The following TMEM38B variants were observed in gnomAD, a reference collection of about 807,000 sequenced individuals.
The protein encoded by TMEM38B is trimeric intracellular cation channel type B.
A neutral mutation model predicts 28.7 loss-of-function variants in TMEM38B; 24 were observed. The ratio of observed to expected loss-of-function variants is 0.84; its 90% confidence interval spans 0.61 to 1.18. The LOEUF is 1.18. TMEM38B is among the 50% of genes most tolerant of loss of function. The pLI is 0.00. For synonymous variants in TMEM38B, 131 were observed against 127.7 expected (o/e 1.03, Z -0.17); for missense variants, 380 against 350.9 (o/e 1.08, Z -0.66).
rs187786297 is a variant in TMEM38B at position 105,765,212 on chromosome 9, A to C, written c.661-8653A>C. 2.6e-5 allele frequency among the ~76,000 whole-genome samples: 4 copies of C among 152,316 alleles called. No homozygotes were observed. The East Asian group carries it at 7.7e-4, about 29-fold the overall frequency. ...GGATTATTTTGCAAATTGAGATTAA[A>C]ATTATTTGGGGTTTAGTTACAATTT... On this transcript the variant is annotated intron_variant, in intron 5 of 5. Coordinates refer to ENST00000374692, the MANE Select transcript of TMEM38B (RefSeq NM_018112.3).
chr9:105,758,302 TC>T, intron 5 of TMEM38B: 1 of 729,576 alleles, frequency 1.4e-6, no homozygotes, highest in Non-Finnish European at 2.5e-6. Context: ...TAAAGACACA[TC>T]TACAGCAAGT....
At chr9:105,752,572 G>T (rs1021277667) in intron 5 of TMEM38B, among the ~76,000 whole-genome samples, 1 of 152,068 alleles carries the variant, frequency 6.6e-6, no homozygotes. Flanking sequence ...TCAGCAAACC[G>T]CAGCAACCCT....
chr9:105,715,331 TC>T (rs1351762911), intron 2 of TMEM38B, among the ~76,000 whole-genome samples: 3 of 152,160 alleles, frequency 2.0e-5, no homozygotes, highest in Non-Finnish European at 4.4e-5. Context: ...ATCTTTTTTT[TC>T]TAGATCCCTA....
At chr9:105,720,712 A>T (rs1379785750) in intron 2 of TMEM38B, among the ~76,000 whole-genome samples, 1 of 152,134 alleles carries the variant, frequency 6.6e-6, no homozygotes, top group Admixed American at 6.5e-5. Context: ...CTTTCATGCC[A>T]TGTCTTTTAT....
intron 1 of TMEM38B, 55 bp downstream of exon 1, chr9:105,694,827 C>G: frequency 2.6e-6 from 1 of 384,594 alleles, no homozygotes; most frequent in East Asian, 1.3e-4. Context: ...ACGGCGAGGA[C>G]CGTCTAAGTC....
rs79132254 is a variant in TMEM38B, at chr9:105,724,841, T to G, written c.542+2220T>G. ...TTTTTCTCATTTTGAGTATATGCCT[T>G]GAAACACCTTCCATAAAACATTTTT... On this transcript the variant is annotated intron_variant, in intron 4 of 5. Transcript: ENST00000374692. 3.9e-5 allele frequency among the ~76,000 whole-genome samples: 6 copies of G among 152,294 alleles called. No individual in the cohort carries two copies. The East Asian group carries it at 1.2e-3, about 29-fold the overall frequency.
Position 105,776,283 on chromosome 9 carries a change from A to G in TMEM38B, c.*2203A>G, listed in dbSNP as rs1179876247. The G allele has an allele frequency of 6.6e-6, 1 of 152,106 alleles. No homozygotes were observed. Among genetic ancestry groups the G allele is most frequent in the African/African-American group, 2.4e-5 (1 of 41,432 alleles). 9.4% of individuals were successfully genotyped at this position (152,106 alleles called of 1,614,324 possible). On this transcript the variant is annotated 3_prime_UTR_variant, in exon 6 of 6. Coordinates refer to ENST00000374692, the MANE Select transcript of TMEM38B (RefSeq NM_018112.3). ...TCAAGTAAAACATGGCCAAATGAAT[A>G]TCAAACTGGTTTATCAGATTAGTCA...
intron 2 of TMEM38B, among the ~76,000 whole-genome samples, chr9:105,719,882 CCTTT>C (rs1038694973): frequency 5.9e-5 from 9 of 152,018 alleles, no homozygotes; most frequent in African/African-American, 2.2e-4. Context: ...AACAAATCCC[CCTTT>C]CTTAATGTAA....
chr9:105,736,962 A>C (rs1271387206), intron 4 of TMEM38B, among the ~76,000 whole-genome samples: 2 of 152,178 alleles, frequency 1.3e-5, no homozygotes, highest in African/African-American at 4.8e-5. Flanking sequence ...CTCAGTTGCA[A>C]GGACTTTTGG....
intron 4 of TMEM38B, among the ~76,000 whole-genome samples, chr9:105,735,146 A>G (rs1836924279): frequency 6.6e-6 from 1 of 152,202 alleles, no homozygotes; most frequent in African/African-American, 2.4e-5. Flanking sequence ...TCAAGCTGAT[A>G]ACAACTTAAC....
In TMEM38B at chr9:105,774,083, T is replaced by C; in HGVS notation, c.*3T>C. 5.6e-6 allele frequency: 9 copies of C among 1,613,012 alleles called. No individual in the cohort carries two copies. The highest frequency in any genetic ancestry group is 6.8e-6 in the Non-Finnish European group (8 of 1,179,414). On this transcript the variant is annotated 3_prime_UTR_variant, in exon 6 of 6. Transcript: ENST00000374692. Reference sequence around the variant, plus strand: ...AACATACTAAGAAGAATGAATAAATTTACGTGATGAGCTCTACAAGGCCAA... The same window carrying C: ...AACATACTAAGAAGAATGAATAAATCTACGTGATGAGCTCTACAAGGCCAA...
chr9:105,729,068 GA>G (rs1447686637), intron 4 of TMEM38B, among the ~76,000 whole-genome samples: 1 of 152,206 alleles, frequency 6.6e-6, no homozygotes, highest in Non-Finnish European at 1.5e-5. Flanking sequence ...TTGCTGTGCA[GA>G]AGCTCTTTAG....
At chr9:105,773,028 G>C (rs1826607669) in intron 5 of TMEM38B, among the ~76,000 whole-genome samples, 1 of 152,060 alleles carries the variant, frequency 6.6e-6, no homozygotes, top group African/African-American at 2.4e-5. Context: ...TTGAAAATTT[G>C]ATCCCCAGAA....
intron 1 of TMEM38B, among the ~76,000 whole-genome samples, chr9:105,705,031 A>G (rs1173308818): frequency 6.6e-6 from 1 of 151,980 alleles, no homozygotes; most frequent in Non-Finnish European, 1.5e-5. Flanking sequence ...GGTTTCCCCC[A>G]CTCTCAAGTT....
At chr9:105,720,070 A>G (rs1836266165) in intron 2 of TMEM38B, among the ~76,000 whole-genome samples, 1 of 152,132 alleles carries the variant, frequency 6.6e-6, no homozygotes, top group Admixed American at 6.5e-5. Context: ...TAAAAATCTT[A>G]TAGAACATGT....
At chr9:105,746,141 G>T (rs2133614493) in intron 4 of TMEM38B, among the ~76,000 whole-genome samples, 1 of 152,268 alleles carries the variant, frequency 6.6e-6, no homozygotes, top group South Asian at 2.1e-4. Flanking sequence ...GCTTGATGGG[G>T]ATGGCATTGA....
chr9:105,760,137 G>A, intron 5 of TMEM38B: 1 of 881,520 alleles, frequency 1.1e-6, no homozygotes, highest in Non-Finnish European at 1.9e-6. Flanking sequence ...TGTGTCGTTT[G>A]TTACTTCCGC....
chr9:105,717,144 C>G (rs1003415047), intron 2 of TMEM38B, among the ~76,000 whole-genome samples: 2 of 152,184 alleles, frequency 1.3e-5, no homozygotes, highest in Non-Finnish European at 2.9e-5. Context: ...CTACCATCTT[C>G]TCAGAACCCT....
intron 2 of TMEM38B, among the ~76,000 whole-genome samples, chr9:105,709,424 ATAAT>A (rs2133559132): frequency 6.6e-6 from 1 of 152,354 alleles, no homozygotes; most frequent in East Asian, 1.9e-4. Context: ...ATTGGGTTCT[ATAAT>A]TATATTAAGA....
Sources: gnomAD v4.1 joint callset for allele counts (sites outside exome capture counted in the v4.1 genomes callset) on GRCh38, gnomAD v4.1.1 for gene constraint, MANE v1.5 for transcripts, NCBI Gene and HGNC (gene_info 2026-07-23, HGNC 2026-07-21) for gene names.